Variants in KCNT2 observed in about 807,000 individuals in gnomAD.
KCNT2 encodes potassium channel subfamily T member 2.
KCNT2 carries 67 observed loss-of-function variants against 153.8 expected under a neutral mutation model. That is an observed-to-expected ratio of 0.44 (90% CI 0.36 to 0.53). The LOEUF (loss-of-function observed/expected upper bound fraction) is 0.53. Among genes scored for constraint, KCNT2 ranks in the 20% least tolerant of loss-of-function variants. The probability of loss-of-function intolerance (pLI) is 0.00; values close to 1 mark genes in which losing one functional copy is unlikely to be tolerated. For missense variants in KCNT2, 975 were observed against 1,354.8 expected (o/e 0.72, Z 4.40); for synonymous variants, 500 against 458.8 (o/e 1.09, Z -1.15).
At chr1:196,367,439 A>ATTTAATCTAATGATT (rs1487200249) in intron 14 of KCNT2, among the ~76,000 whole-genome samples, 1 of 152,134 alleles carries the variant, frequency 6.6e-6, no homozygotes, top group Non-Finnish European at 1.5e-5. Context: ...TTCGTATGAT[A>ATTTAATCTAATGATT]TTTAATCTAA....
At chr1:196,296,283 C>T (rs1395308538) in intron 22 of KCNT2, among the ~76,000 whole-genome samples, 1 of 151,318 alleles carries the variant, frequency 6.6e-6, no homozygotes, top group African/African-American at 2.4e-5. Context: ...ATAGAAATTA[C>T]AAAAAATGAA....
intron 16 of KCNT2, among the ~76,000 whole-genome samples, chr1:196,336,115 A>G (rs531173220): frequency 6.6e-6 from 1 of 152,190 alleles, no homozygotes; most frequent in Admixed American, 6.6e-5. Flanking sequence ...CTCTTGCATC[A>G]TTAATAGTCT....
chr1:196,388,542 C>T (rs1670199131), intron 13 of KCNT2, among the ~76,000 whole-genome samples: 1 of 151,610 alleles, frequency 6.6e-6, no homozygotes, highest in Non-Finnish European at 1.5e-5. Flanking sequence ...GCTACATTCT[C>T]AGCTTATTTA....
At chr1:196,309,571 G>A (rs1558128603) in intron 21 of KCNT2, among the ~76,000 whole-genome samples, 1 of 151,968 alleles carries the variant, frequency 6.6e-6, no homozygotes, top group East Asian at 1.9e-4. Context: ...GAAACTGAAA[G>A]TATTAGCTAA....
chr1:196,397,281 TTTCTTAAATAATAATAA>T (rs1671021936), intron 13 of KCNT2, among the ~76,000 whole-genome samples: 1 of 151,518 alleles, frequency 6.6e-6, no homozygotes. Flanking sequence ...AAATATTTCT[TTTCTTAAATAATAATAA>T]AAATAAGATA....
At chr1:196,531,229 T>G (rs4658036) in intron 1 of KCNT2, among the ~76,000 whole-genome samples, 151,020 of 152,116 alleles carry the variant, frequency 0.99, 74,974 homozygotes, top group Middle Eastern at 1. Context: ...CATGTCTTCT[T>G]GCCTCATCAG....
intron 1 of KCNT2, among the ~76,000 whole-genome samples, chr1:196,494,277 T>C (rs1680077790): frequency 6.6e-6 from 1 of 152,216 alleles, no homozygotes; most frequent in South Asian, 2.1e-4. Flanking sequence ...ACAATACGGC[T>C]ATTACACAAA....
chr1:196,506,538 C>A (rs936390131), intron 1 of KCNT2, among the ~76,000 whole-genome samples: 16 of 152,110 alleles, frequency 1.1e-4, no homozygotes, highest in Non-Finnish European at 1.9e-4. Context: ...CTCACCTGGG[C>A]AAACAGATCA....
chr1:196,389,548 T>G (rs1670290886), intron 13 of KCNT2, among the ~76,000 whole-genome samples: 1 of 151,692 alleles, frequency 6.6e-6, no homozygotes, highest in Non-Finnish European at 1.5e-5. Context: ...AGAATTAGTT[T>G]GATACCTTGA....
chr1:196,477,154 T>G (rs1353313618), intron 5 of KCNT2, among the ~76,000 whole-genome samples: 3 of 152,142 alleles, frequency 2.0e-5, no homozygotes, highest in African/African-American at 7.2e-5. Flanking sequence ...AGTGTTTTTT[T>G]TAAGATGGCA....
intron 3 of KCNT2, among the ~76,000 whole-genome samples, chr1:196,483,375 A>C (rs530195251): frequency 6.6e-6 from 1 of 152,204 alleles, no homozygotes; most frequent in African/African-American, 2.4e-5. Context: ...GCTTGCAAAA[A>C]CCTACCAGTG....
intron 20 of KCNT2, among the ~76,000 whole-genome samples, chr1:196,318,758 G>A (rs951438928): frequency 1.3e-5 from 2 of 151,696 alleles, no homozygotes; most frequent in African/African-American, 2.4e-5. Context: ...TACTTTCAAA[G>A]TTGTAAAACT....
At chr1:196,443,835 T>G (rs540218693) in intron 8 of KCNT2, among the ~76,000 whole-genome samples, 14 of 151,690 alleles carry the variant, frequency 9.2e-5, no homozygotes, top group South Asian at 2.1e-4. Flanking sequence ...CTGGCAATAG[T>G]TGGTACCGGT....
At chr1:196,420,554 T>C (rs1427930794) in intron 12 of KCNT2, among the ~76,000 whole-genome samples, 1 of 151,884 alleles carries the variant, frequency 6.6e-6, no homozygotes, top group Non-Finnish European at 1.5e-5. Context: ...ATGTTTAATA[T>C]TGCACTGGGG....
intron 8 of KCNT2, among the ~76,000 whole-genome samples, chr1:196,454,368 C>G (rs140928273): frequency 6.6e-6 from 1 of 151,806 alleles, no homozygotes; most frequent in African/African-American, 2.4e-5. Flanking sequence ...AGCCCTTGCC[C>G]TCCTTCCCCT....
intron 1 of KCNT2, among the ~76,000 whole-genome samples, chr1:196,588,725 A>C (rs1266921810): frequency 6.6e-6 from 1 of 151,996 alleles, no homozygotes; most frequent in Non-Finnish European, 1.5e-5. Context: ...GATTTATAGA[A>C]GTTGTATAGT....
chr1:196,596,053 T>C lies in KCNT2; in HGVS notation c.95+12162A>G, dbSNP rs945393009. 9.0e-4 allele frequency among the ~76,000 whole-genome samples: 7 copies of C among 7,798 alleles called. No homozygotes were observed. The Non-Finnish European group carries it at 0.014, about 16-fold the overall frequency. The allele number at this position is 7,798 out of a possible 152,430, so 5.1% of individuals were successfully genotyped here. ...GTTATGGCTGAGTTGTATTCCATGA[T>C]GTGTATATATATATATATATATATA... On this transcript the variant is annotated intron_variant, in intron 1 of 27. Transcript: ENST00000294725.
chr1:196,233,743 G>C (rs1285281067), intron 27 of KCNT2, among the ~76,000 whole-genome samples: 1 of 151,362 alleles, frequency 6.6e-6, no homozygotes, highest in East Asian at 1.9e-4. Context: ...CAGCAACATA[G>C]TCAGTGTTAA....
At chr1:196,335,567 A>G (rs925298783) in intron 16 of KCNT2, among the ~76,000 whole-genome samples, 2 of 152,170 alleles carry the variant, frequency 1.3e-5, no homozygotes, top group Non-Finnish European at 2.9e-5. Flanking sequence ...CCACCATTGT[A>G]TATGCTATCC....
Sources: gnomAD v4.1 joint callset for allele counts (sites outside exome capture counted in the v4.1 genomes callset) on GRCh38, gnomAD v4.1.1 for gene constraint, MANE v1.5 for transcripts, NCBI Gene and HGNC (gene_info 2026-07-23, HGNC 2026-07-21) for gene names.